ZCCHC7: variants seen among roughly 807,000 people sequenced by gnomAD.
ZCCHC7 encodes the protein zinc finger CCHC domain-containing protein 7.
A neutral mutation model predicts 52.0 loss-of-function variants in ZCCHC7; 35 were observed. The ratio of observed to expected loss-of-function variants is 0.67; its 90% CI spans 0.51 to 0.89. The LOEUF (loss-of-function observed/expected upper bound fraction) is 0.89, where lower values mean the gene tolerates loss of function less well. Among genes scored for constraint, ZCCHC7 ranks in the 40% least tolerant of loss-of-function variants. The probability of loss-of-function intolerance (pLI) is 0.00; values close to 1 mark genes in which losing one functional copy is unlikely to be tolerated. For synonymous variants in ZCCHC7, 217 were observed against 221.5 expected, an observed-to-expected ratio of 0.98 and a Z score of 0.18; for missense variants, 574 against 649.1, an observed-to-expected ratio of 0.88 and a Z score of 1.26.
intron 2 of ZCCHC7, among the ~76,000 whole-genome samples, chr9:37,201,456 G>T (rs748643534): frequency 3.6e-4 from 55 of 152,258 alleles, no homozygotes; most frequent in Non-Finnish European, 6.9e-4. Context: ...CTGTTTTATT[G>T]CAAGTATTAG....
intron 2 of ZCCHC7, among the ~76,000 whole-genome samples, chr9:37,257,014 A>G (rs774253419): frequency 4.6e-5 from 7 of 152,178 alleles, no homozygotes; most frequent in Non-Finnish European, 1.0e-4. Flanking sequence ...TGTATATTTT[A>G]TATATACATG....
chr9:37,250,146 A>C (rs1826258398), intron 2 of ZCCHC7, among the ~76,000 whole-genome samples: 1 of 152,158 alleles, frequency 6.6e-6, no homozygotes, highest in Non-Finnish European at 1.5e-5. Context: ...TTCTGTGAAA[A>C]AATCTAGCAC....
intron 2 of ZCCHC7, among the ~76,000 whole-genome samples, chr9:37,187,726 A>G (rs938445323): frequency 6.6e-6 from 1 of 152,122 alleles, no homozygotes; most frequent in African/African-American, 2.4e-5. Flanking sequence ...AAAAGATGCA[A>G]ATGGCAGTTT....
At chr9:37,251,019 GTTTC>G (rs1826304698) in intron 2 of ZCCHC7, among the ~76,000 whole-genome samples, 3 of 152,120 alleles carry the variant, frequency 2.0e-5, no homozygotes, top group Non-Finnish European at 4.4e-5. Flanking sequence ...TGTGAAACTA[GTTTC>G]TTCAAATTGA....
At chr9:37,121,178 G>A (rs1407843841) in intron 1 of ZCCHC7, among the ~76,000 whole-genome samples, 1 of 152,166 alleles carries the variant, frequency 6.6e-6, no homozygotes, top group Non-Finnish European at 1.5e-5. Context: ...GCGGACAGTT[G>A]CCTTCAACTT....
chr9:37,210,691 C>G (rs1050048161), intron 2 of ZCCHC7, among the ~76,000 whole-genome samples: 1 of 152,150 alleles, frequency 6.6e-6, no homozygotes, highest in East Asian at 1.9e-4. Flanking sequence ...TTCTTAGTCC[C>G]CTCACAGATT....
intron 2 of ZCCHC7, among the ~76,000 whole-genome samples, chr9:37,275,879 G>A (rs1827662109): frequency 6.6e-6 from 1 of 152,262 alleles, no homozygotes; most frequent in East Asian, 1.9e-4. Context: ...TTGAACTCCT[G>A]ACCTCAGGTG....
intron 5 of ZCCHC7, among the ~76,000 whole-genome samples, chr9:37,314,998 G>GA (rs1829752183): frequency 6.6e-6 from 1 of 151,536 alleles, no homozygotes; most frequent in Non-Finnish European, 1.5e-5. Flanking sequence ...TATTCATCTT[G>GA]AAAAAACAGC....
At chr9:37,163,193 C>T (rs544207036) in intron 2 of ZCCHC7, among the ~76,000 whole-genome samples, 2 of 151,714 alleles carry the variant, frequency 1.3e-5, no homozygotes, top group South Asian at 4.2e-4. Flanking sequence ...GAGTGAGACT[C>T]TGTCTCAAAA....
chr9:37,232,029 A>G (rs1489711101), intron 2 of ZCCHC7, among the ~76,000 whole-genome samples: 1 of 152,134 alleles, frequency 6.6e-6, no homozygotes, highest in Non-Finnish European at 1.5e-5. Context: ...GTTAATAGTT[A>G]TTTCATTACA....
chr9:37,190,909 C>A (rs1162517757), intron 2 of ZCCHC7, among the ~76,000 whole-genome samples: 3 of 151,862 alleles, frequency 2.0e-5, no homozygotes, highest in Non-Finnish European at 4.4e-5. Flanking sequence ...GTAATCCCAG[C>A]TACTTGGGTG....
chr9:37,202,778 G>A (rs995939744), intron 2 of ZCCHC7, among the ~76,000 whole-genome samples: 2 of 152,222 alleles, frequency 1.3e-5, no homozygotes, highest in Non-Finnish European at 2.9e-5. Flanking sequence ...CATCACGCCC[G>A]GCCCTTATAA....
intron 1 of ZCCHC7, chr9:37,121,464 TG>T (rs1842312962): frequency 6.6e-6 from 1 of 151,992 alleles, no homozygotes. Flanking sequence ...CTCTTGACTT[TG>T]TGGTTTTCTT....
chr9:37,242,118 T>C (rs1215271802), intron 2 of ZCCHC7, among the ~76,000 whole-genome samples: 1 of 151,772 alleles, frequency 6.6e-6, no homozygotes, highest in East Asian at 1.9e-4. Flanking sequence ...GAGCATCCAA[T>C]AGCATTCCAA....
At chr9:37,199,525 G>C (rs139523949) in intron 2 of ZCCHC7, among the ~76,000 whole-genome samples, 1 of 151,642 alleles carries the variant, frequency 6.6e-6, no homozygotes, top group Non-Finnish European at 1.5e-5. Flanking sequence ...TAGACACAGG[G>C]TTTCACTATG....
intron 2 of ZCCHC7, among the ~76,000 whole-genome samples, chr9:37,229,435 C>G (rs2133303606): frequency 6.6e-6 from 1 of 152,232 alleles, no homozygotes; most frequent in South Asian, 2.1e-4. Flanking sequence ...GGCATAGCCT[C>G]ATGCACACCT....
intron 2 of ZCCHC7, among the ~76,000 whole-genome samples, chr9:37,152,670 A>C (rs950788077): frequency 6.6e-6 from 1 of 152,216 alleles, no homozygotes; most frequent in Admixed American, 6.5e-5. Context: ...GGAGGAAGAC[A>C]GAAATAAAGT....
intron 6 of ZCCHC7, among the ~76,000 whole-genome samples, chr9:37,337,025 C>T (rs566240382): frequency 6.6e-6 from 1 of 152,240 alleles, no homozygotes; most frequent in African/African-American, 2.4e-5. Flanking sequence ...AGAAATATTC[C>T]TGAGAGGATT....
intron 2 of ZCCHC7, among the ~76,000 whole-genome samples, chr9:37,133,416 C>G (rs1842874313): frequency 6.7e-6 from 1 of 150,042 alleles, no homozygotes; most frequent in Non-Finnish European, 1.5e-5. Context: ...GCTCTTGTCA[C>G]CCAGGGTGGA....
Sources: allele counts gnomAD v4.1 joint callset (sites outside exome capture counted in the v4.1 genomes callset), GRCh38; gene constraint gnomAD v4.1.1; transcripts MANE v1.5; gene names NCBI Gene and HGNC (gene_info 2026-07-23, HGNC 2026-07-21).